Variants in NAA16 observed in about 807,000 individuals in gnomAD.
NAA16 encodes N-alpha-acetyltransferase 16, NatA auxiliary subunit, also known as NARG1-like protein.
A neutral mutation model predicts 110.3 loss-of-function variants in NAA16; 97 were observed. The ratio of observed to expected loss-of-function variants is 0.88; its 90% CI spans 0.75 to 1.04. The LOEUF is 1.04. Among genes scored for constraint, NAA16 ranks in the 50% least tolerant of loss-of-function variants. The probability of loss-of-function intolerance (pLI) is 0.00; values close to 1 mark genes in which losing one functional copy is unlikely to be tolerated. For missense variants in NAA16, 1,017 were observed against 1,005.1 expected (o/e 1.01, Z -0.16); for synonymous variants, 372 against 330.6 (o/e 1.13, Z -1.36).
intron 6 of NAA16, among the ~76,000 whole-genome samples, chr13:41,328,440 CAA>C (rs1566253590): frequency 6.6e-6 from 1 of 152,024 alleles, no homozygotes; most frequent in African/African-American, 2.4e-5. Flanking sequence ...TTACTTATTT[CAA>C]AGAGTATAAG....
rs561487977 is a variant in NAA16, at chr13:41,321,144, GA to G, written c.402+324del. The stretch of plus-strand genomic sequence containing the variant: ...GGCCAGACTCCGTCTCTACAAATAA[GA>G]AAATTAGCCCGGTATGGTAGTTTAC... On this transcript the variant is annotated intron_variant, in intron 4 of 19. Transcript: ENST00000379406. 9.9e-5 allele frequency among the ~76,000 whole-genome samples: 15 copies of G among 152,080 alleles called. No individual in the cohort carries two copies. The East Asian group carries it at 2.9e-3, about 29-fold the overall frequency.
At chr13:41,317,322 T>C (rs947657368) in intron 2 of NAA16, among the ~76,000 whole-genome samples, 2 of 151,906 alleles carry the variant, frequency 1.3e-5, no homozygotes, top group African/African-American at 4.9e-5. Context: ...TATTCTTTGG[T>C]AGATGTGTTT....
At chr13:41,365,666 A>C (rs1006212618) in intron 13 of NAA16, among the ~76,000 whole-genome samples, 1 of 152,210 alleles carries the variant, frequency 6.6e-6, no homozygotes, top group African/African-American at 2.4e-5. Flanking sequence ...CAGTGCTTTC[A>C]GTGGAAAAAC....
chr13:41,371,783 C>A (rs1211915077), intron 15 of NAA16, among the ~76,000 whole-genome samples: 1 of 152,084 alleles, frequency 6.6e-6, no homozygotes, highest in African/African-American at 2.4e-5. Flanking sequence ...GGTCAGCTCC[C>A]CTAATGCTCA....
chr13:41,353,801 AC>A (rs34767164), intron 9 of NAA16, among the ~76,000 whole-genome samples: 1 of 131,030 alleles, frequency 7.6e-6, no homozygotes, highest in Non-Finnish European at 1.6e-5. Flanking sequence ...ACACACACAC[AC>A]CCCAAAACAG....
At chr13:41,362,613 T>G in intron 13 of NAA16, 1 of 882,528 alleles carries the variant, frequency 1.1e-6, no homozygotes, top group Admixed American at 2.5e-5. Flanking sequence ...CTATGGCCAG[T>G]TTGCAGGCTT....
intron 6 of NAA16, among the ~76,000 whole-genome samples, chr13:41,326,998 TATC>T (rs1248121188): frequency 6.6e-6 from 1 of 152,206 alleles, no homozygotes; most frequent in East Asian, 1.9e-4. Context: ...ATTTCCAAAA[TATC>T]ATATAGTTGG....
chr13:41,329,501 G>C (rs2042178617), intron 7 of NAA16, among the ~76,000 whole-genome samples: 1 of 149,962 alleles, frequency 6.7e-6, no homozygotes, highest in Admixed American at 6.7e-5. Flanking sequence ...TGTTGAAACA[G>C]CAGAATTTTT....
At chr13:41,366,361 T>A (rs2043207023) in intron 13 of NAA16, among the ~76,000 whole-genome samples, 1 of 152,168 alleles carries the variant, frequency 6.6e-6, no homozygotes, top group Non-Finnish European at 1.5e-5. Context: ...CGGAGTGACT[T>A]AACTATCCCC....
chr13:41,369,276 TAGAA>T lies in NAA16; in HGVS notation c.1943_1946del (p.Glu648GlyfsTer2), dbSNP rs1593530038. On this transcript the variant is annotated frameshift_variant, in exon 15 of 20. Transcript: ENST00000379406. LOFTEE classifies it high-confidence loss of function. ...AAGGAAGAACTTATACCTGAAAAAT[TAGAA>T]AGGGTGAGATGGGTTTTACTATCTT... The T allele has an allele frequency of 3.8e-6, 6 of 1,563,778 alleles. No homozygotes were observed. Among genetic ancestry groups the T allele is most frequent in the Non-Finnish European group, 4.3e-6 (5 of 1,165,516 alleles).
At chr13:41,361,799 C>T (rs1021757821) in intron 12 of NAA16, among the ~76,000 whole-genome samples, 4 of 152,154 alleles carry the variant, frequency 2.6e-5, no homozygotes, top group African/African-American at 9.7e-5. Context: ...TGCAATTTTC[C>T]CTTTAATATC....
intron 9 of NAA16, among the ~76,000 whole-genome samples, chr13:41,352,064 A>T (rs9566752): frequency 1.3e-5 from 2 of 152,322 alleles, no homozygotes; most frequent in East Asian, 3.9e-4. Context: ...CCATAAGGCC[A>T]GGGCTGGTGG....
chr13:41,324,731 G>A (rs1247153343), intron 5 of NAA16, among the ~76,000 whole-genome samples: 1 of 149,666 alleles, frequency 6.7e-6, no homozygotes, highest in Non-Finnish European at 1.5e-5. Flanking sequence ...TGACTGTGTT[G>A]CCCAGGCAGA....
rs149526519 is a variant in NAA16 at position 41,343,667 on chromosome 13, C to G, written c.1014+6911C>G. Among the ~76,000 whole-genome samples the G allele has an allele frequency of 7.4e-3, 1,122 of 152,224 alleles. 12 individuals are homozygous for G. Among genetic ancestry groups the G allele is most frequent in the African/African-American group, 0.025 (1,035 of 41,524 alleles). On this transcript the variant is annotated intron_variant, in intron 9 of 19. Coordinates refer to ENST00000379406, the MANE Select transcript of NAA16 (RefSeq NM_024561.5). The stretch of plus-strand genomic sequence containing the variant: ...GCCTCAGCCTCCCGAGTAGCTGGGA[C>G]TACAGGCGCACACCGCCACACCCGG...
chr13:41,372,411 T>A lies in NAA16; in HGVS notation c.2056+100T>A, dbSNP rs2043340152. 2.2e-6 allele frequency: 3 copies of A among 1,378,346 alleles called. No individual in the cohort carries two copies. In the African/African-American group the frequency reaches 4.5e-5, roughly 21 times the overall value. The allele number at this position is 1,378,346 out of a possible 1,614,324, so 85.4% of individuals were successfully genotyped here. ...TCTATTTTTGTTTCTTAGATTTTCATTTTAGCCTTCTACAAAGGCTCTTTT... is the reference window on the plus strand; with the variant it reads ...TCTATTTTTGTTTCTTAGATTTTCAATTTAGCCTTCTACAAAGGCTCTTTT... On this transcript the variant is annotated intron_variant, in intron 16 of 19. Transcript: ENST00000379406.
chr13:41,353,421 G>C (rs2042894451), intron 9 of NAA16, among the ~76,000 whole-genome samples: 1 of 151,476 alleles, frequency 6.6e-6, no homozygotes, highest in African/African-American at 2.4e-5. Context: ...TTTATCAGTG[G>C]TTCTCAAACT....
At chr13:41,370,317 G>A (rs976968039) in intron 15 of NAA16, among the ~76,000 whole-genome samples, 1 of 152,150 alleles carries the variant, frequency 6.6e-6, no homozygotes, top group African/African-American at 2.4e-5. Flanking sequence ...AGAGGTATCT[G>A]CCTGAACAGG....
chr13:41,343,970 C>T (rs2042620021), intron 9 of NAA16, among the ~76,000 whole-genome samples: 1 of 152,222 alleles, frequency 6.6e-6, no homozygotes, highest in African/African-American at 2.4e-5. Flanking sequence ...ACACCCACCT[C>T]CCTGCCCCAG....
chr13:41,312,447 AAGG>A (rs1372822893), intron 1 of NAA16, among the ~76,000 whole-genome samples: 15 of 152,158 alleles, frequency 9.9e-5, no homozygotes, highest in African/African-American at 2.9e-4. Flanking sequence ...CTGTTCTTCC[AAGG>A]AGAAGAGGCA....
Sources: gnomAD v4.1 joint callset for allele counts (sites outside exome capture counted in the v4.1 genomes callset) on GRCh38, gnomAD v4.1.1 for gene constraint, MANE v1.5 for transcripts, NCBI Gene and HGNC (gene_info 2026-07-23, HGNC 2026-07-21) for gene names.